IMPG1: variants seen among roughly 807,000 people sequenced by gnomAD.
IMPG1 encodes interphotoreceptor matrix proteoglycan of 150 kDa.
IMPG1 carries 85 observed loss-of-function variants against 92.0 expected under a neutral mutation model. That is an observed-to-expected ratio of 0.92 (90% CI 0.78 to 1.11). The LOEUF is 1.11. Among genes scored for constraint, IMPG1 ranks in the 50% least tolerant of loss-of-function variants. The pLI, the probability that IMPG1 is intolerant of heterozygous loss-of-function variation, is 0.00. For synonymous variants in IMPG1, 367 were observed against 334.1 expected, an observed-to-expected ratio of 1.10 and a Z score of -1.08; for missense variants, 1,022 against 956.0, an observed-to-expected ratio of 1.07 and a Z score of -0.91.
chr6:75,941,133 T>G (rs1313018924), intron 14 of IMPG1, among the ~76,000 whole-genome samples: 1 of 152,230 alleles, frequency 6.6e-6, no homozygotes, highest in Non-Finnish European at 1.5e-5. Flanking sequence ...CGATTCATCT[T>G]TTGGTCCTTG....
chr6:76,007,530 G>A, intron 8 of IMPG1, 30 bp from the exon 9 acceptor site: 1 of 1,510,324 alleles, frequency 6.6e-7, no homozygotes, highest in Admixed American at 2.0e-5. Flanking sequence ...ATGGAAACAT[G>A]AAAAAGAGAA....
intron 6 of IMPG1, 96 bp downstream of exon 6, chr6:76,022,020 T>C (rs1783436520): frequency 1.6e-6 from 1 of 639,520 alleles, no homozygotes; most frequent in Non-Finnish European, 2.9e-6. Context: ...AGCACTAATA[T>C]TATTTAAAGG....
intron 12 of IMPG1, among the ~76,000 whole-genome samples, chr6:75,986,318 A>G (rs1782717356): frequency 2.0e-5 from 3 of 152,176 alleles, no homozygotes. Flanking sequence ...GAAGAAAGAG[A>G]GTCAGGCAAG....
intron 12 of IMPG1, among the ~76,000 whole-genome samples, chr6:75,997,865 T>A (rs73466840): frequency 0.022 from 3,292 of 152,292 alleles, 129 homozygotes; most frequent in African/African-American, 0.074. Context: ...TGTATTGAAT[T>A]GAAATGTTTG....
intron 4 of IMPG1, among the ~76,000 whole-genome samples, chr6:76,029,319 CA>C (rs1783612726): frequency 6.6e-6 from 1 of 152,232 alleles, no homozygotes; most frequent in Non-Finnish European, 1.5e-5. Context: ...AGACTTCCAT[CA>C]AAGCCAATCC....
chr6:76,039,788 C>G (rs1206772148), intron 2 of IMPG1, among the ~76,000 whole-genome samples: 1 of 152,124 alleles, frequency 6.6e-6, no homozygotes, highest in South Asian at 2.1e-4. Flanking sequence ...CAGAGTTCAG[C>G]CTGTAGATTA....
chr6:76,071,880 C>T (rs1484260375), intron 1 of IMPG1, among the ~76,000 whole-genome samples: 1 of 151,992 alleles, frequency 6.6e-6, no homozygotes, highest in African/African-American at 2.4e-5. Context: ...CATACATTGC[C>T]TAGTTCTTTT....
At chr6:76,068,510 CTTTTTTTTTTT>C (rs1160277573) in intron 1 of IMPG1, among the ~76,000 whole-genome samples, 2 of 110,194 alleles carry the variant, frequency 1.8e-5, no homozygotes, top group African/African-American at 7.1e-5. Context: ...AATGTCCATA[CTTTTTTTTTTT>C]TTTTTTTTTT....
At chr6:76,063,188 A>C in intron 1 of IMPG1, among the ~76,000 whole-genome samples, 1 of 152,052 alleles carries the variant, frequency 6.6e-6, no homozygotes, top group Non-Finnish European at 1.5e-5. Flanking sequence ...TGGGTGATAA[A>C]GTGAGACTCC....
At chr6:76,057,527 G>C (rs1220382800) in intron 1 of IMPG1, among the ~76,000 whole-genome samples, 1 of 152,138 alleles carries the variant, frequency 6.6e-6, no homozygotes, top group Non-Finnish European at 1.5e-5. Context: ...ACCCCGGCTA[G>C]ACAGCCTAAT....
intron 12 of IMPG1, among the ~76,000 whole-genome samples, chr6:75,975,048 G>C (rs1782511863): frequency 1.3e-5 from 2 of 152,242 alleles, no homozygotes; most frequent in Non-Finnish European, 2.9e-5. Context: ...TAAAATGGAT[G>C]TATCTGTTGA....
intron 7 of IMPG1, among the ~76,000 whole-genome samples, chr6:76,015,244 C>T (rs577748803): frequency 1.2e-4 from 19 of 152,146 alleles, no homozygotes; most frequent in Admixed American, 4.6e-4. Flanking sequence ...TCCATTAATT[C>T]CTGATTAGGC....
At position 75,931,003 on chromosome 6, in the gene IMPG1, G is replaced by A. The variant is rs760698799; in HGVS notation, c.2193C>T (p.Gly731=). The change falls in exon 15 of 17, where the codon GGC becomes GGT. Residue 731 remains glycine, a synonymous_variant. Coordinates refer to ENST00000369950, the MANE Select transcript of IMPG1 (RefSeq NM_001563.4). ...GGACCTCGCATTCCTTTGTGCCAGGGCCACAGAGGCCTGGTTCCAGACCGT... is the reference window on the plus strand; with the variant it reads ...GGACCTCGCATTCCTTTGTGCCAGGACCACAGAGGCCTGGTTCCAGACCGT... The part of the protein sequence containing the change: ...SLDGLEPGLC[G]PGTKECEVLQ... 2.5e-6 allele frequency: 4 copies of A among 1,614,050 alleles called. No homozygotes were observed. The Admixed American group carries it at 5.0e-5, about 20-fold the overall frequency.
At chr6:76,049,854 G>A (rs945261648) in intron 1 of IMPG1, among the ~76,000 whole-genome samples, 1 of 152,190 alleles carries the variant, frequency 6.6e-6, no homozygotes, top group Non-Finnish European at 1.5e-5. Flanking sequence ...AGCAGACTAA[G>A]GAAAATGGTT....
In IMPG1 at chr6:75,922,134, G is replaced by A. The variant is rs774905793; in HGVS notation, c.2349C>T (p.Thr783=). 9.2e-6 allele frequency: 13 copies of A among 1,408,242 alleles called. No homozygotes were observed. Among genetic ancestry groups the A allele is most frequent in the South Asian group, 7.2e-5 (6 of 83,430 alleles). The allele number at this position is 1,408,242 out of a possible 1,614,324, so 87.2% of individuals were successfully genotyped here. ...VISKRNSELL[T]VEYEEFNHQD... is the part of the protein sequence containing the mutation. ...GATGGTTAAATTCTTCATATTCTAC[G>A]GTCAGTAATTCAGAATTTCTTTTAC... is the stretch of plus-strand genomic sequence containing the variant. The change falls in exon 17 of 17, where the codon ACC becomes ACT. Residue 783 remains threonine (T), a synonymous_variant. Transcript: ENST00000369950.
intron 12 of IMPG1, among the ~76,000 whole-genome samples, chr6:75,987,670 G>C (rs1303534372): frequency 1.3e-5 from 2 of 149,530 alleles, no homozygotes; most frequent in Non-Finnish European, 3.0e-5. Flanking sequence ...TTTGAGACAG[G>C]GTCTCACTCT....
chr6:75,998,488 T>C (rs1438691941), intron 12 of IMPG1, among the ~76,000 whole-genome samples: 1 of 152,236 alleles, frequency 6.6e-6, no homozygotes, highest in Non-Finnish European at 1.5e-5. Flanking sequence ...TTTAACATAT[T>C]ACCTAGATGG....
intron 1 of IMPG1, among the ~76,000 whole-genome samples, chr6:76,048,388 C>G (rs778614445): frequency 3.9e-5 from 6 of 152,162 alleles, no homozygotes; most frequent in Non-Finnish European, 8.8e-5. Flanking sequence ...TCACATTTTA[C>G]TGAAAACAAG....
At position 75,930,871 on chromosome 6, in the gene IMPG1, T is replaced by C. The variant is rs1582048707; in HGVS notation, c.2243+82A>G. 5 of 1,257,386 alleles carry C rather than the reference T, an allele frequency of 4.0e-6. No homozygotes were observed. The South Asian group carries it at 5.2e-5, about 13-fold the overall frequency. The allele number at this position is 1,257,386 out of a possible 1,614,324, so 77.9% of individuals were successfully genotyped here. On this transcript the variant is annotated intron_variant, in intron 15 of 16. Coordinates refer to ENST00000369950, the MANE Select transcript of IMPG1 (RefSeq NM_001563.4). Reference sequence around the variant, plus strand: ...TAAAAACCATGGGTTGAAAGGACCATATGAATTTACTCTAATGATGGGTTT... The same window carrying C: ...TAAAAACCATGGGTTGAAAGGACCACATGAATTTACTCTAATGATGGGTTT...
Sources: allele counts gnomAD v4.1 joint callset (sites outside exome capture counted in the v4.1 genomes callset), GRCh38; gene constraint gnomAD v4.1.1; transcripts MANE v1.5; gene names NCBI Gene and HGNC (gene_info 2026-07-23, HGNC 2026-07-21).